MAP4K5: variants seen among roughly 807,000 people sequenced by gnomAD.
MAP4K5 encodes the protein mitogen-activated protein kinase kinase kinase kinase 5.
Under a neutral mutation model 135.6 loss-of-function variants are expected in MAP4K5, and 82 were observed. That is an observed-to-expected ratio of 0.60 (90% CI 0.51 to 0.73). The LOEUF (loss-of-function observed/expected upper bound fraction) is 0.73, where lower values mean the gene tolerates loss of function less well. Among genes scored for constraint, MAP4K5 ranks in the 30% least tolerant of loss-of-function variants. The pLI is 0.00. For missense variants in MAP4K5, 907 were observed against 1,010.9 expected, an observed-to-expected ratio of 0.90 and a Z score of 1.39; for synonymous variants, 347 against 335.0, an observed-to-expected ratio of 1.04 and a Z score of -0.39.
chr14:50,530,127 G>A (rs1226696172), intron 2 of MAP4K5, among the ~76,000 whole-genome samples: 1 of 152,102 alleles, frequency 6.6e-6, no homozygotes, highest in African/African-American at 2.4e-5. Context: ...AACATTGTGA[G>A]GGTAGAGGAA....
rs747784720 is a variant in MAP4K5 at position 50,438,014 on chromosome 14, A to G, written c.1709-6T>C. ...GTAGAGCTGAAAGGTTTTTCCTATA[A>G]AAGAAAAACATGTTACCTTTTTGAG... On this transcript the variant is annotated splice_polypyrimidine_tract_variant and splice_region_variant and intron_variant, in intron 24 of 32. Coordinates refer to ENST00000682126, the MANE Select transcript of MAP4K5 (RefSeq NM_006575.6). 2 of 1,435,798 alleles carry G rather than the reference A, an allele frequency of 1.4e-6. No individual in the cohort carries two copies. Among genetic ancestry groups the G allele is most frequent in the South Asian group, 2.3e-5 (2 of 86,602 alleles). The allele number at this position is 1,435,798 out of a possible 1,614,324, so 88.9% of individuals were successfully genotyped here.
intron 6 of MAP4K5, among the ~76,000 whole-genome samples, chr14:50,478,696 T>C (rs1480413453): frequency 1.3e-5 from 2 of 152,142 alleles, no homozygotes; most frequent in East Asian, 3.8e-4. Flanking sequence ...TCTTTGAGCA[T>C]AATGTTGGAC....
chr14:50,464,135 T>A lies in MAP4K5; in HGVS notation c.738-2A>T. The stretch of plus-strand genomic sequence containing the variant: ...ACAAAATTATGGAATGTTGATGACC[T>A]TAAAATAAAAAGAGACGTACAAAAA... On this transcript the variant is annotated splice_acceptor_variant, in intron 11 of 32. Transcript: ENST00000682126. LOFTEE classifies it high-confidence loss of function. The A allele has an allele frequency of 1.4e-6, 2 of 1,467,038 alleles. No homozygotes were observed. The highest frequency in any genetic ancestry group is 1.9e-6 in the Non-Finnish European group (2 of 1,074,108). 90.9% of individuals were successfully genotyped at this position (1,467,038 alleles called of 1,614,324 possible).
At chr14:50,539,683 G>A (rs2038536967) in intron 2 of MAP4K5, among the ~76,000 whole-genome samples, 1 of 152,202 alleles carries the variant, frequency 6.6e-6, no homozygotes, top group South Asian at 2.1e-4. Context: ...TAGCCCTAAT[G>A]GGGAAGTACA....
chr14:50,505,923 TG>T (rs34480986), intron 2 of MAP4K5, among the ~76,000 whole-genome samples: 28,685 of 152,184 alleles, frequency 0.19, 3,331 homozygotes, highest in Middle Eastern at 0.28. Flanking sequence ...GGTCAAAGGT[TG>T]TGAATATGAA....
At chr14:50,476,739 G>A (rs936213814) in intron 6 of MAP4K5, among the ~76,000 whole-genome samples, 3 of 152,360 alleles carry the variant, frequency 2.0e-5, no homozygotes, top group East Asian at 3.9e-4. Flanking sequence ...TGGGATTACA[G>A]GCGTGAGCCA....
intron 30 of MAP4K5, among the ~76,000 whole-genome samples, chr14:50,426,303 C>A (rs1023651291): frequency 6.6e-6 from 1 of 152,066 alleles, no homozygotes; most frequent in African/African-American, 2.4e-5. Flanking sequence ...TGAATAAAAT[C>A]ATAAAAACAT....
rs992533886 is a variant in MAP4K5 at position 50,517,633 on chromosome 14, T to C, written c.109-12776A>G. 1.3e-5 allele frequency among the ~76,000 whole-genome samples: 2 copies of C among 151,754 alleles called. 1 individual carries two copies. Among genetic ancestry groups the C allele is most frequent in the South Asian group, 4.2e-4 (2 of 4,780 alleles). Reference sequence around the variant, plus strand: ...AAATACAAAAATTAGCAGGGCATGATGGGTGGGCACCTGTAGTTCCAGCTA... The same window carrying C: ...AAATACAAAAATTAGCAGGGCATGACGGGTGGGCACCTGTAGTTCCAGCTA... On this transcript the variant is annotated intron_variant, in intron 2 of 32. Coordinates refer to ENST00000682126, the MANE Select transcript of MAP4K5 (RefSeq NM_006575.6).
At chr14:50,421,083 CAT>C (rs1449081749) in intron 32 of MAP4K5, among the ~76,000 whole-genome samples, 1 of 151,900 alleles carries the variant, frequency 6.6e-6, no homozygotes, top group Non-Finnish European at 1.5e-5. Flanking sequence ...ATAATGAAAA[CAT>C]TTTTTAAAAA....
intron 3 of MAP4K5, among the ~76,000 whole-genome samples, chr14:50,489,208 C>G (rs2139947264): frequency 6.6e-6 from 1 of 152,192 alleles, no homozygotes; most frequent in South Asian, 2.1e-4. Flanking sequence ...ATAAGCTAGG[C>G]ATGGTGGCAT....
intron 21 of MAP4K5, among the ~76,000 whole-genome samples, chr14:50,441,910 A>G (rs975915295): frequency 5.9e-5 from 9 of 152,024 alleles, no homozygotes; most frequent in African/African-American, 2.2e-4. Context: ...TCTACTGCCT[A>G]ATAGCTTCTG....
intron 10 of MAP4K5, among the ~76,000 whole-genome samples, chr14:50,467,899 T>C (rs2036868107): frequency 6.6e-6 from 1 of 152,122 alleles, no homozygotes; most frequent in Non-Finnish European, 1.5e-5. Context: ...TTTCCTTATA[T>C]AGTATATATC....
At chr14:50,488,509 A>G (rs1475010264) in intron 3 of MAP4K5, among the ~76,000 whole-genome samples, 1 of 152,218 alleles carries the variant, frequency 6.6e-6, no homozygotes, top group Non-Finnish European at 1.5e-5. Context: ...TTTTCTCACA[A>G]GAGTAGCTTC....
At chr14:50,449,018 T>G (rs1012129959) in intron 14 of MAP4K5, 186 bp from the exon 15 acceptor site, 1 of 532,950 alleles carries the variant, frequency 1.9e-6, no homozygotes, top group Non-Finnish European at 3.3e-6. Flanking sequence ...AATAACAAAG[T>G]GGGATCTTCC....
chr14:50,552,085 G>C (rs1055204761), intron 1 of MAP4K5, among the ~76,000 whole-genome samples: 1 of 152,124 alleles, frequency 6.6e-6, no homozygotes, highest in Non-Finnish European at 1.5e-5. Flanking sequence ...GCTGTTCGCC[G>C]ATGATATGAT....
chr14:50,474,753 G>A (rs1360493764), intron 9 of MAP4K5, among the ~76,000 whole-genome samples: 1 of 152,058 alleles, frequency 6.6e-6, no homozygotes, highest in East Asian at 1.9e-4. Context: ...AAAATAAAGT[G>A]GAAAAGTCCT....
intron 14 of MAP4K5, among the ~76,000 whole-genome samples, chr14:50,454,777 G>A (rs1483768273): frequency 2.0e-5 from 3 of 151,936 alleles, no homozygotes; most frequent in Non-Finnish European, 4.4e-5. Context: ...AATAAGATCT[G>A]TGTAAAAACA....
At position 50,419,842 on chromosome 14, in the gene MAP4K5, T is replaced by C. The variant is rs1184656452; in HGVS notation, c.*177A>G. ...ATAACCACCACACAGTGGCAAGAGA[T>C]AGACTAGCTGTTTCCAGCTGCAGAA... On this transcript the variant is annotated 3_prime_UTR_variant, in exon 33 of 33. Transcript: ENST00000682126. The C allele has an allele frequency of 1.8e-6, 1 of 564,748 alleles. No individual in the cohort carries two copies. The highest frequency in any genetic ancestry group is 2.4e-5 in the South Asian group (1 of 41,108). The allele number at this position is 564,748 out of a possible 1,614,324, so 35.0% of individuals were successfully genotyped here.
chr14:50,498,267 T>C (rs2037636000), intron 3 of MAP4K5, among the ~76,000 whole-genome samples: 1 of 152,216 alleles, frequency 6.6e-6, no homozygotes. Flanking sequence ...ATGGTATCAC[T>C]GGTGGTATTA....
Sources: gnomAD v4.1 joint callset for allele counts (sites outside exome capture counted in the v4.1 genomes callset) on GRCh38, gnomAD v4.1.1 for gene constraint, MANE v1.5 for transcripts, NCBI Gene and HGNC (gene_info 2026-07-23, HGNC 2026-07-21) for gene names.